Variants in CSMD1 observed in about 807,000 individuals in gnomAD.
CSMD1 encodes the protein CUB and sushi domain-containing protein 1.
In CSMD1, 213 loss-of-function variants were observed where a neutral mutation model predicts 417.5. The observed-to-expected ratio is 0.51, with a 90% CI of 0.46 to 0.57. The LOEUF is 0.57. Among genes scored for constraint, CSMD1 ranks in the 20% least tolerant of loss-of-function variants. The pLI is 0.00. For missense variants in CSMD1, 6,923 were observed against 4,529.7 expected, an observed-to-expected ratio of 1.53 and a Z score of -15.17; for synonymous variants, 2,862 against 1,736.8, an observed-to-expected ratio of 1.65 and a Z score of -16.11.
chr8:3,034,012 C>T (rs578251416), intron 50 of CSMD1, among the ~76,000 whole-genome samples: 55 of 152,298 alleles, frequency 3.6e-4, no homozygotes, highest in South Asian at 1.2e-3. Flanking sequence ...GGTGCCCAGA[C>T]GTGGCTCCTC....
intron 1 of CSMD1, among the ~76,000 whole-genome samples, chr8:4,941,788 A>AG (rs1330142538): frequency 2.0e-5 from 3 of 152,020 alleles, no homozygotes; most frequent in Admixed American, 2.0e-4. Flanking sequence ...TTGTAGGGAC[A>AG]GGGTCTCCCC....
chr8:4,939,620 C>T lies in CSMD1; in HGVS notation c.85+54712G>A, dbSNP rs183823348. On this transcript the variant is annotated intron_variant, in intron 1 of 69. Coordinates refer to ENST00000635120, the MANE Select transcript of CSMD1 (RefSeq NM_033225.6). Reference sequence around the variant, plus strand: ...GAACTCAATGAAGCCGAGAGTAGAACGGCCATTAACAAGGGCTGGGGGTGA... The same window carrying T: ...GAACTCAATGAAGCCGAGAGTAGAATGGCCATTAACAAGGGCTGGGGGTGA... Among the ~76,000 whole-genome samples, 608 of 150,456 alleles carry T rather than the reference C, an allele frequency of 4.0e-3. 8 individuals carry two copies. Among genetic ancestry groups the T allele is most frequent in the Admixed American group, 5.2e-3 (78 of 15,116 alleles).
intron 12 of CSMD1, among the ~76,000 whole-genome samples, chr8:3,447,878 C>T (rs897480303): frequency 6.6e-6 from 1 of 152,058 alleles, no homozygotes; most frequent in African/African-American, 2.4e-5. Flanking sequence ...TTCCTCAAGG[C>T]CATGAACTGT....
chr8:3,660,925 T>A (rs562084315), intron 7 of CSMD1, among the ~76,000 whole-genome samples: 1 of 152,306 alleles, frequency 6.6e-6, no homozygotes, highest in South Asian at 2.1e-4. Flanking sequence ...CATAGAAGTT[T>A]CTTGAGTTCC....
At chr8:4,109,067 A>G (rs1801718476) in intron 3 of CSMD1, among the ~76,000 whole-genome samples, 1 of 152,208 alleles carries the variant, frequency 6.6e-6, no homozygotes, top group African/African-American at 2.4e-5. Flanking sequence ...ATGGCATAGT[A>G]TTTGCATATA....
intron 12 of CSMD1, among the ~76,000 whole-genome samples, chr8:3,452,904 C>T (rs906506984): frequency 6.6e-6 from 1 of 152,168 alleles, no homozygotes; most frequent in Admixed American, 6.5e-5. Context: ...ACCAGCTCCT[C>T]CTTGTATCTC....
chr8:4,396,273 G>A (rs1435054524), intron 3 of CSMD1, among the ~76,000 whole-genome samples: 1 of 151,366 alleles, frequency 6.6e-6, no homozygotes, highest in African/African-American at 2.4e-5. Context: ...ACCAGCTTGG[G>A]GAATACAGTG....
intron 1 of CSMD1, among the ~76,000 whole-genome samples, chr8:4,937,342 A>C (rs1807689559): frequency 6.6e-6 from 1 of 152,180 alleles, no homozygotes; most frequent in Admixed American, 6.5e-5. Flanking sequence ...GTTTTTGTAA[A>C]ATAGTGAAAG....
chr8:3,075,156 C>G (rs558158467), intron 49 of CSMD1, among the ~76,000 whole-genome samples: 1 of 152,166 alleles, frequency 6.6e-6, no homozygotes, highest in African/African-American at 2.4e-5. Context: ...TTTCCTGAGG[C>G]CTCCCCAGAA....
chr8:4,830,427 G>A (rs1180576839), intron 1 of CSMD1, among the ~76,000 whole-genome samples: 2 of 152,280 alleles, frequency 1.3e-5, no homozygotes, highest in African/African-American at 4.8e-5. Flanking sequence ...TGTATGTTTG[G>A]AGGAACACTT....
intron 2 of CSMD1, among the ~76,000 whole-genome samples, chr8:4,436,932 G>A (rs1362396586): frequency 1.3e-5 from 2 of 152,094 alleles, no homozygotes; most frequent in African/African-American, 4.8e-5. Context: ...TGGACACTGA[G>A]GTTGCTTCCA....
chr8:4,862,227 G>A (rs933896445), intron 1 of CSMD1, among the ~76,000 whole-genome samples: 1 of 152,040 alleles, frequency 6.6e-6, no homozygotes, highest in Admixed American at 6.5e-5. Context: ...AATACAGAAA[G>A]TGAGGTAGAG....
intron 39 of CSMD1, among the ~76,000 whole-genome samples, chr8:3,154,872 T>C (rs1819421353): frequency 2.0e-5 from 3 of 152,178 alleles, no homozygotes; most frequent in African/African-American, 7.2e-5. Flanking sequence ...ATTATCTCTC[T>C]ATGGACTTCT....
At chr8:3,330,731 T>C (rs1806838442) in intron 23 of CSMD1, among the ~76,000 whole-genome samples, 2 of 152,148 alleles carry the variant, frequency 1.3e-5, no homozygotes, top group Non-Finnish European at 1.5e-5. Flanking sequence ...CCTGCACCTG[T>C]GCCCCAAACC....
At chr8:3,284,062 G>T in intron 26 of CSMD1, 82 bp downstream of exon 26, 1 of 1,139,206 alleles carries the variant, frequency 8.8e-7, no homozygotes, top group Non-Finnish European at 1.3e-6. Context: ...AGGAGACGCT[G>T]GTGAATATAA....
At chr8:3,961,718 G>T (rs1812338336) in intron 5 of CSMD1, among the ~76,000 whole-genome samples, 1 of 152,148 alleles carries the variant, frequency 6.6e-6, no homozygotes, top group Non-Finnish European at 1.5e-5. Flanking sequence ...GATACTCATG[G>T]GAGCATTTCC....
intron 26 of CSMD1, among the ~76,000 whole-genome samples, chr8:3,240,188 G>T (rs1799407699): frequency 6.6e-6 from 1 of 152,132 alleles, no homozygotes; most frequent in South Asian, 2.1e-4. Flanking sequence ...TAAGAATTCT[G>T]ACTGCGCAGC....
intron 7 of CSMD1, chr8:3,702,071 C>T (rs1312675028): frequency 6.6e-6 from 1 of 152,006 alleles, no homozygotes; most frequent in African/African-American, 2.4e-5. Context: ...AGGAGAATTC[C>T]AGGGGCATTT....
At chr8:3,912,420 C>A (rs574574957) in intron 5 of CSMD1, among the ~76,000 whole-genome samples, 5 of 152,092 alleles carry the variant, frequency 3.3e-5, no homozygotes, top group African/African-American at 9.7e-5. Context: ...TAGGGTGGGA[C>A]GATTTCTACT....
Sources: allele counts gnomAD v4.1 joint callset (sites outside exome capture counted in the v4.1 genomes callset), GRCh38; gene constraint gnomAD v4.1.1; transcripts MANE v1.5; gene names NCBI Gene and HGNC (gene_info 2026-07-23, HGNC 2026-07-21).